CD74: variants seen among roughly 807,000 people sequenced by gnomAD.
The protein encoded by CD74 is HLA class II histocompatibility antigen gamma chain.
CD74 carries 20 observed loss-of-function variants against 37.1 expected under a neutral mutation model. The observed-to-expected ratio is 0.54, with a 90% CI of 0.38 to 0.78. The LOEUF (loss-of-function observed/expected upper bound fraction) is 0.78. Among genes scored for constraint, CD74 ranks in the 30% least tolerant of loss-of-function variants. CD74 has a pLI of 0.00. For synonymous variants in CD74, 150 were observed against 152.0 expected, an observed-to-expected ratio of 0.99 and a Z score of 0.10; for missense variants, 338 against 389.5, an observed-to-expected ratio of 0.87 and a Z score of 1.11.
chr5:150,405,435 A>G, intron 4 of CD74: 1 of 1,236,810 alleles, frequency 8.1e-7, no homozygotes, highest in Non-Finnish European at 1.0e-6. Context: ...AACAAGCCCC[A>G]GTGTCCTCCC....
In CD74 at chr5:150,402,723, G is replaced by C. The variant is rs1387218735; in HGVS notation, c.818-98C>G. The C allele has an allele frequency of 1.9e-6, 2 of 1,027,460 alleles. No homozygotes were observed. The highest frequency in any genetic ancestry group is 2.9e-6 in the Non-Finnish European group (2 of 686,750). The allele number at this position is 1,027,460 out of a possible 1,614,324, so 63.6% of individuals were successfully genotyped here. Reference sequence around the variant, plus strand: ...CTTCCCACCTAGCCACAGGCTTAGTGCCTGGGAAAGCAGGTACCCAGGGAA... The same window carrying C: ...CTTCCCACCTAGCCACAGGCTTAGTCCCTGGGAAAGCAGGTACCCAGGGAA... On this transcript the variant is annotated intron_variant, in intron 7 of 8. Coordinates refer to ENST00000009530, the MANE Select transcript of CD74 (RefSeq NM_001025159.3). The surrounding 1 kb of genome is among the most constrained non-coding windows in gnomAD (Gnocchi z 4.2).
chr5:150,407,414 A>G lies in CD74; in HGVS notation c.126-90T>C, dbSNP rs533975470. On this transcript the variant is annotated intron_variant, in intron 1 of 8. Coordinates refer to ENST00000009530, the MANE Select transcript of CD74 (RefSeq NM_001025159.3). The surrounding 1 kb of genome is among the most constrained non-coding windows in gnomAD (Gnocchi z 4.4). ...TAGGAATGGGGAAATGTATACCCCC[A>G]TCTCCATTAGACCCCTAAGCCACCC... 44 of 1,061,596 alleles carry G rather than the reference A, an allele frequency of 4.1e-5. No individual in the cohort carries two copies. The South Asian group carries it at 6.7e-4, about 16-fold the overall frequency. 65.8% of individuals were successfully genotyped at this position (1,061,596 alleles called of 1,614,324 possible). A position where few individuals can be genotyped will look rare whatever the true frequency, so the allele number is the denominator to read the frequency against.
chr5:150,406,409 G>A, intron 3 of CD74, 88 bp from the exon 4 acceptor site: 1 of 1,030,046 alleles, frequency 9.7e-7, no homozygotes, highest in South Asian at 1.3e-5. Context: ...ATCTAGGTAA[G>A]AGACTGGAAT....
chr5:150,412,278 T>C (rs2151186979), intron 1 of CD74, among the ~76,000 whole-genome samples: 1 of 152,326 alleles, frequency 6.6e-6, no homozygotes, highest in South Asian at 2.1e-4. Flanking sequence ...TCCAAGGCCT[T>C]TAACCTAGCA....
chr5:150,411,795 A>T (rs1453001746), intron 1 of CD74, among the ~76,000 whole-genome samples: 1 of 152,112 alleles, frequency 6.6e-6, no homozygotes, highest in Admixed American at 6.5e-5. Flanking sequence ...CCCTCCTGTG[A>T]TGGCAGATGT....
chr5:150,412,548 CCGGTGCTTCTT>C, intron 1 of CD74, 66 bp downstream of exon 1: 1 of 1,092,474 alleles, frequency 9.2e-7, no homozygotes, highest in Non-Finnish European at 1.4e-6. Context: ...TGACTCCTGG[CCGGTGCTTCTT>C]CCCAGCACAT....
intron 1 of CD74, among the ~76,000 whole-genome samples, chr5:150,408,451 G>A (rs1268942013): frequency 6.6e-6 from 1 of 152,188 alleles, no homozygotes; most frequent in Non-Finnish European, 1.5e-5. Context: ...TGCGATTCTA[G>A]AATTTGGTGG....
chr5:150,404,798 G>T, intron 5 of CD74, 31 bp from the exon 6 acceptor site: 1 of 1,411,858 alleles, frequency 7.1e-7, no homozygotes, highest in Non-Finnish European at 9.8e-7. Flanking sequence ...GGTCAGGTTC[G>T]ATGGCCACCA....
In CD74 at chr5:150,412,812, C is replaced by T; in HGVS notation, c.-63G>A. ...GTGCTGGAGAGGAATCTGATTCGTCCACAGAAGGCCACTCCGCCCACTTGG... is the reference window on the plus strand; with the variant it reads ...GTGCTGGAGAGGAATCTGATTCGTCTACAGAAGGCCACTCCGCCCACTTGG... On this transcript the variant is annotated 5_prime_UTR_variant, in exon 1 of 9. Coordinates refer to ENST00000009530, the MANE Select transcript of CD74 (RefSeq NM_001025159.3). 1.2e-6 allele frequency: 2 copies of T among 1,602,820 alleles called. No homozygotes were observed. Among genetic ancestry groups the T allele is most frequent in the Non-Finnish European group, 8.5e-7 (1 of 1,174,620 alleles).
At position 150,407,829 on chromosome 5, in the gene CD74, C is replaced by T. The variant is rs529252683; in HGVS notation, c.126-505G>A. On this transcript the variant is annotated intron_variant, in intron 1 of 8. Transcript: ENST00000009530. The surrounding 1 kb of genome is among the most constrained non-coding windows in gnomAD (Gnocchi z 4.4). The stretch of plus-strand genomic sequence containing the variant: ...AGTGCAGTGGCGCGATCTCGGCTCA[C>T]TGCAACCTCCACCTCCTGGGTTTAT... Among the ~76,000 whole-genome samples, 1 of 152,300 alleles carries T rather than the reference C, an allele frequency of 6.6e-6. No homozygotes were observed. The highest frequency in any genetic ancestry group is 1.9e-4 in the East Asian group (1 of 5,172).
intron 3 of CD74, 56 bp from the exon 4 acceptor site, chr5:150,406,377 G>C (rs1769965494): frequency 7.1e-7 from 1 of 1,404,662 alleles, no homozygotes; most frequent in Non-Finnish European, 1.0e-6. Context: ...CAGGGGGTAT[G>C]GAGCAGGAGC....
At position 150,407,019 on chromosome 5, in the gene CD74, A is replaced by G; in HGVS notation, c.299-59T>C. ...CGGTGCCCAGGGAGGAGGGTATCAG[A>G]CCCAGATGAGGAAGGGCTGGAATTC... On this transcript the variant is annotated intron_variant, in intron 2 of 8. Transcript: ENST00000009530. The surrounding 1 kb of genome is among the most constrained non-coding windows in gnomAD (Gnocchi z 4.4). 1 of 1,538,352 alleles carries G rather than the reference A, an allele frequency of 6.5e-7. No homozygotes were observed. Among genetic ancestry groups the G allele is most frequent in the Non-Finnish European group, 8.9e-7 (1 of 1,126,452 alleles).
intron 4 of CD74, 163 bp from the exon 5 acceptor site, chr5:150,405,343 G>A: frequency 7.4e-7 from 1 of 1,357,050 alleles, no homozygotes; most frequent in Non-Finnish European, 9.5e-7. Flanking sequence ...GGAGGGGAGG[G>A]TACGGGTAAG....
intron 1 of CD74, among the ~76,000 whole-genome samples, chr5:150,408,267 C>T (rs942154620): frequency 2.0e-5 from 3 of 152,114 alleles, no homozygotes; most frequent in African/African-American, 7.2e-5. Context: ...AGAAGTGGGG[C>T]CTGGCCATTT....
Position 150,406,315 on chromosome 5 carries a change from G to A in CD74, c.385C>T (p.Gln129Ter). 6.2e-7 allele frequency: 1 copy of A among 1,613,480 alleles called. No homozygotes were observed. The highest frequency in any genetic ancestry group is 8.5e-7 in the Non-Finnish European group (1 of 1,179,518). Residue 129 changes from glutamine to a stop codon, truncating the protein, a stop_gained, in exon 4 of 9, where the codon CAG becomes TAG. Transcript: ENST00000009530. LOFTEE classifies it high-confidence loss of function. The stretch of plus-strand genomic sequence containing the variant: ...ATGTTGCCATACTTGGTGGCATTCT[G>A]CATGGGCTGTGGGAGGAAGTAACAG... ...PMGALPQGPM[Q>*]NATKYGNMTE...
rs1769653862 is a variant in CD74 at position 150,402,112 on chromosome 5, G to C, written c.*128C>G. On this transcript the variant is annotated 3_prime_UTR_variant, in exon 9 of 9. Transcript: ENST00000009530. The surrounding 1 kb of genome is among the most constrained non-coding windows in gnomAD (Gnocchi z 4.2). ...TGTCTTGTCCAAGGGTGACGAAAGA[G>C]CCAGGCACCAGGGTCTCATGGGATG... 6.5e-7 allele frequency: 1 copy of C among 1,547,732 alleles called. No homozygotes were observed. Among genetic ancestry groups the C allele is most frequent in the African/African-American group, 1.4e-5 (1 of 73,256 alleles).
intron 1 of CD74, among the ~76,000 whole-genome samples, chr5:150,412,419 C>G (rs2151187200): frequency 6.6e-6 from 1 of 152,340 alleles, no homozygotes; most frequent in South Asian, 2.1e-4. Flanking sequence ...AACTCCTGCT[C>G]TTAAAGGAAC....
chr5:150,407,690 C>T lies in CD74; in HGVS notation c.126-366G>A, dbSNP rs973410343. On this transcript the variant is annotated intron_variant, in intron 1 of 8. Transcript: ENST00000009530. This position sits in a 1 kb window ranked among gnomAD's most constrained non-coding sequence, Gnocchi z 4.4. ...GGGGGTCTTCCCAGGCTCCCTTTGC[C>T]GTGCGGATCTCCTGATGATCAGGGC... Among the ~76,000 whole-genome samples the T allele has an allele frequency of 6.6e-5, 10 of 152,092 alleles. No individual in the cohort carries two copies. The highest frequency in any genetic ancestry group is 4.2e-4 in the South Asian group (2 of 4,814).
chr5:150,406,691 C>T, intron 3 of CD74, 190 bp downstream of exon 3: 1 of 589,326 alleles, frequency 1.7e-6, no homozygotes. Flanking sequence ...CCAGGGATGG[C>T]ACCAAGAGAC....
Sources: gnomAD v4.1 joint callset for allele counts (sites outside exome capture counted in the v4.1 genomes callset) on GRCh38, gnomAD v4.1.1 for gene constraint, Gnocchi (gnomAD v3.1) non-coding constraint, MANE v1.5 for transcripts, NCBI Gene and HGNC (gene_info 2026-07-23, HGNC 2026-07-21) for gene names.